ETV1: variants seen among roughly 807,000 people sequenced by gnomAD.
ETV1 encodes ETS translocation variant 1.
In ETV1, 27 loss-of-function variants were observed where a neutral mutation model predicts 62.3. The observed-to-expected ratio is 0.43, with a 90% CI of 0.32 to 0.60. The LOEUF (loss-of-function observed/expected upper bound fraction) is 0.60, where lower values mean the gene tolerates loss of function less well. Ranked by LOEUF, ETV1 falls within the 20% of genes least tolerant of loss-of-function variation. The probability of loss-of-function intolerance (pLI) is 0.06; values close to 1 mark genes in which losing one functional copy is unlikely to be tolerated. For synonymous variants in ETV1, 222 were observed against 199.6 expected (o/e 1.11, Z -0.94); for missense variants, 605 against 605.8 (o/e 1.00, Z 0.01).
At position 13,891,564 on chromosome 7, in the gene ETV1, C is replaced by A; in HGVS notation, c.*4302G>T. On this transcript the variant is annotated 3_prime_UTR_variant, in exon 14 of 14. Transcript: ENST00000430479. Reference sequence around the variant, plus strand: ...AAATTCTCCTCTTAAACTGTACTTTCCATAAACTGTTTTTTTTTTAAGTAT... The same window carrying A: ...AAATTCTCCTCTTAAACTGTACTTTACATAAACTGTTTTTTTTTTAAGTAT... 2 of 231,194 alleles carry A rather than the reference C, an allele frequency of 8.7e-6. No individual in the cohort carries two copies. 14.3% of individuals were successfully genotyped at this position (231,194 alleles called of 1,614,324 possible). A position where few individuals can be genotyped will look rare whatever the true frequency, so the allele number is the denominator to read the frequency against.
chr7:13,911,569 T>C (rs1346087081), intron 9 of ETV1, among the ~76,000 whole-genome samples: 3 of 152,242 alleles, frequency 2.0e-5, no homozygotes, highest in African/African-American at 7.2e-5. Context: ...AAAAGTCAGC[T>C]CAAACAGCAA....
chr7:13,984,311 G>A (rs577948139), intron 5 of ETV1, among the ~76,000 whole-genome samples: 10 of 152,082 alleles, frequency 6.6e-5, no homozygotes, highest in African/African-American at 2.2e-4. Flanking sequence ...CTGCCAATTT[G>A]GCAATGTTTT....
chr7:13,905,889 A>C (rs1782905304), intron 12 of ETV1, among the ~76,000 whole-genome samples: 1 of 152,170 alleles, frequency 6.6e-6, no homozygotes, highest in Admixed American at 6.6e-5. Flanking sequence ...AAGGGCTGAG[A>C]ATTTTCCACT....
chr7:13,949,902 T>A (rs10271964), intron 6 of ETV1, among the ~76,000 whole-genome samples: 6,711 of 152,166 alleles, frequency 0.044, 493 homozygotes, highest in African/African-American at 0.15. Flanking sequence ...TTTTCTTAAA[T>A]AATATTCTTT....
At chr7:13,984,215 T>A (rs1782298189) in intron 5 of ETV1, among the ~76,000 whole-genome samples, 1 of 151,976 alleles carries the variant, frequency 6.6e-6, no homozygotes, top group Non-Finnish European at 1.5e-5. Flanking sequence ...TGATCTTTTT[T>A]AAAAGGGTCA....
chr7:13,911,550 A>T, intron 9 of ETV1, among the ~76,000 whole-genome samples: 1 of 152,124 alleles, frequency 6.6e-6, no homozygotes, highest in East Asian at 1.9e-4. Context: ...TACCCAAATA[A>T]ACCTTGCTAA....
chr7:13,977,288 C>A (rs1056943166), intron 6 of ETV1, 139 bp downstream of exon 6: 2 of 543,160 alleles, frequency 3.7e-6, no homozygotes, highest in Non-Finnish European at 6.6e-6. Context: ...CAAATCAAAT[C>A]ATCTTATGGC....
chr7:13,988,917 C>T (rs1358478005), intron 3 of ETV1, 91 bp downstream of exon 3: 3 of 1,467,434 alleles, frequency 2.0e-6, no homozygotes, highest in East Asian at 2.3e-5. Flanking sequence ...GCAATCCCAA[C>T]CCCCGTGCCC....
chr7:13,986,429 C>G, intron 5 of ETV1: 1 of 1,489,044 alleles, frequency 6.7e-7, no homozygotes, highest in Middle Eastern at 1.8e-4. Flanking sequence ...GAAGCAATTT[C>G]TCCTGGTAAT....
intron 9 of ETV1, among the ~76,000 whole-genome samples, chr7:13,912,522 A>C (rs975361293): frequency 6.6e-5 from 10 of 152,212 alleles, no homozygotes; most frequent in Non-Finnish European, 1.5e-4. Context: ...TAAATTAATA[A>C]CATATAATAA....
chr7:13,963,785 C>T (rs190159884), intron 6 of ETV1, among the ~76,000 whole-genome samples: 1 of 152,136 alleles, frequency 6.6e-6, no homozygotes, highest in East Asian at 1.9e-4. Flanking sequence ...GCACATTATC[C>T]GAACTTCAGA....
At chr7:13,983,113 G>C (rs1432597950) in intron 5 of ETV1, among the ~76,000 whole-genome samples, 1 of 151,974 alleles carries the variant, frequency 6.6e-6, no homozygotes. Context: ...CCTACTCGAA[G>C]TGTGGAGGCA....
chr7:13,911,337 G>T, intron 9 of ETV1, 30 bp from the exon 10 acceptor site: 1 of 1,535,516 alleles, frequency 6.5e-7, no homozygotes, highest in South Asian at 1.1e-5. Context: ...TGGTCAAAAA[G>T]AGTCTGGAGC....
intron 8 of ETV1, among the ~76,000 whole-genome samples, chr7:13,934,766 G>T (rs565327796): frequency 3.7e-4 from 56 of 152,208 alleles, no homozygotes; most frequent in African/African-American, 1.3e-3. Context: ...CTGTGCTATT[G>T]CATCTTTGCA....
At chr7:13,987,775 T>C (rs1458239154) in intron 4 of ETV1, among the ~76,000 whole-genome samples, 1 of 152,232 alleles carries the variant, frequency 6.6e-6, no homozygotes, top group Non-Finnish European at 1.5e-5. Flanking sequence ...TATTTTTAAA[T>C]TGTTATCTTA....
chr7:13,957,739 C>T (rs1789653993), intron 6 of ETV1, among the ~76,000 whole-genome samples: 1 of 152,200 alleles, frequency 6.6e-6, no homozygotes, highest in Admixed American at 6.5e-5. Context: ...TATATTAGCA[C>T]TTAAACACAC....
chr7:13,986,227 C>T, intron 5 of ETV1: 1 of 1,555,718 alleles, frequency 6.4e-7, no homozygotes, highest in Non-Finnish European at 8.7e-7. Flanking sequence ...GAAAAGTCCT[C>T]CACCAGAACA....
intron 13 of ETV1, among the ~76,000 whole-genome samples, 182 bp from the exon 14 acceptor site, chr7:13,896,269 A>T (rs1781766081): frequency 6.6e-6 from 1 of 152,186 alleles, no homozygotes; most frequent in East Asian, 1.9e-4. Flanking sequence ...TGTGGAATAA[A>T]CTACAGTTCA....
chr7:13,912,024 A>G (rs943712384), intron 9 of ETV1, among the ~76,000 whole-genome samples: 2 of 152,352 alleles, frequency 1.3e-5, no homozygotes, highest in South Asian at 2.1e-4. Context: ...GACAGTGTTA[A>G]TAACTCTGCC....
Sources: allele counts gnomAD v4.1 joint callset (sites outside exome capture counted in the v4.1 genomes callset), GRCh38; gene constraint gnomAD v4.1.1; transcripts MANE v1.5; gene names NCBI Gene and HGNC (gene_info 2026-07-23, HGNC 2026-07-21).